The following FGF14 variants were observed in gnomAD, a reference collection of about 807,000 sequenced individuals.
FGF14 encodes fibroblast growth factor homologous factor 4.
Under a neutral mutation model 25.5 loss-of-function variants are expected in FGF14, and 5 were observed. That is an observed-to-expected ratio of 0.20 (90% CI 0.10 to 0.41). The LOEUF is 0.41. FGF14 is among the 10% of genes least tolerant of loss of function. The probability of loss-of-function intolerance (pLI) is 1.00; values close to 1 mark genes in which losing one functional copy is unlikely to be tolerated. For synonymous variants in FGF14, 138 were observed against 118.3 expected, an observed-to-expected ratio of 1.17 and a Z score of -1.08; for missense variants, 222 against 320.1, an observed-to-expected ratio of 0.69 and a Z score of 2.34.
At chr13:102,094,405 C>G (rs2044300694) in intron 1 of FGF14, among the ~76,000 whole-genome samples, 1 of 152,148 alleles carries the variant, frequency 6.6e-6, no homozygotes, top group South Asian at 2.1e-4. Context: ...AAACAAGAAG[C>G]AGCAGATGAT....
chr13:102,262,330 T>C (rs139382179), intron 1 of FGF14, among the ~76,000 whole-genome samples: 1 of 152,164 alleles, frequency 6.6e-6, no homozygotes, highest in Non-Finnish European at 1.5e-5. Flanking sequence ...TCAGAATCAT[T>C]ATTTCCTACC....
At chr13:102,050,337 G>T (rs887393945) in intron 1 of FGF14, among the ~76,000 whole-genome samples, 1 of 152,038 alleles carries the variant, frequency 6.6e-6, no homozygotes, top group Admixed American at 6.6e-5. Flanking sequence ...TATAAGCAAA[G>T]AAACAAAACT....
chr13:102,068,459 C>G (rs1293895569), intron 1 of FGF14, among the ~76,000 whole-genome samples: 2 of 152,234 alleles, frequency 1.3e-5, no homozygotes, highest in Non-Finnish European at 2.9e-5. Context: ...CCTCAGCTTG[C>G]AGGTAGGTGT....
chr13:102,346,982 G>A (rs1019761579), intron 1 of FGF14, among the ~76,000 whole-genome samples: 2 of 152,108 alleles, frequency 1.3e-5, no homozygotes, highest in African/African-American at 2.4e-5. Flanking sequence ...CCAGAACACC[G>A]TGTTCAATAG....
intron 1 of FGF14, among the ~76,000 whole-genome samples, chr13:102,072,586 TAA>T (rs2140156971): frequency 6.6e-6 from 1 of 152,286 alleles, no homozygotes; most frequent in East Asian, 1.9e-4. Context: ...TAATACAGGA[TAA>T]GGGAGTGTTA....
chr13:102,302,534 C>T (rs2055123604), intron 1 of FGF14, among the ~76,000 whole-genome samples: 1 of 152,092 alleles, frequency 6.6e-6, no homozygotes, highest in South Asian at 2.1e-4. Flanking sequence ...TCACCCTGTG[C>T]CCCAAATTCC....
At chr13:102,086,321 C>A (rs2124992) in intron 1 of FGF14, among the ~76,000 whole-genome samples, 57,759 of 151,904 alleles carry the variant, frequency 0.38, 13,046 homozygotes, top group Non-Finnish European at 0.51. Context: ...GAGATAGAGA[C>A]CATCCTGGCT....
intron 1 of FGF14, among the ~76,000 whole-genome samples, chr13:102,343,449 G>A (rs922615967): frequency 6.6e-6 from 1 of 152,196 alleles, no homozygotes; most frequent in Non-Finnish European, 1.5e-5. Context: ...TTCTAGGGCA[G>A]TTGTTGCAAG....
In FGF14 at chr13:102,128,359, G is replaced by A. The variant is rs116824231; in HGVS notation, c.209-253063C>T. On this transcript the variant is annotated intron_variant, in intron 1 of 4. Coordinates refer to the FGF14 transcript ENST00000376131. ...GGAACTCCAGCCCCAGTAAGAAGGT[G>A]GACAAATATGCCTGTGGCTGACAAG... 9.2e-3 allele frequency among the ~76,000 whole-genome samples: 1,405 copies of A among 152,050 alleles called. 20 individuals carry two copies. The highest frequency in any genetic ancestry group is 0.032 in the African/African-American group (1,325 of 41,496).
At chr13:102,289,225 A>G (rs1335371868) in intron 1 of FGF14, among the ~76,000 whole-genome samples, 1 of 152,116 alleles carries the variant, frequency 6.6e-6, no homozygotes, top group Non-Finnish European at 1.5e-5. Context: ...TAATTCCACC[A>G]TGGGTCTGCT....
chr13:102,041,572 G>T (rs2041740678), intron 1 of FGF14, among the ~76,000 whole-genome samples: 1 of 121,086 alleles, frequency 8.3e-6, no homozygotes, highest in African/African-American at 3.9e-5. Context: ...AAATTACTTT[G>T]TGTTTCCATG....
At chr13:102,075,041 T>G (rs1314154440) in intron 1 of FGF14, among the ~76,000 whole-genome samples, 1 of 152,176 alleles carries the variant, frequency 6.6e-6, no homozygotes, top group Non-Finnish European at 1.5e-5. Flanking sequence ...CTCTTCTCAG[T>G]TCTATTCAAC....
intron 1 of FGF14, among the ~76,000 whole-genome samples, chr13:102,070,499 A>G (rs2043111674): frequency 6.6e-6 from 1 of 152,178 alleles, no homozygotes; most frequent in African/African-American, 2.4e-5. Flanking sequence ...AAAAATAGAA[A>G]TCCCATATGA....
At chr13:101,954,131 T>G (rs1172841892) in intron 1 of FGF14, among the ~76,000 whole-genome samples, 1 of 152,184 alleles carries the variant, frequency 6.6e-6, no homozygotes, top group African/African-American at 2.4e-5. Flanking sequence ...TACTGCTCCA[T>G]GGTCAGTGTT....
At chr13:101,820,371 A>G (rs2042052280) in intron 3 of FGF14, among the ~76,000 whole-genome samples, 1 of 152,202 alleles carries the variant, frequency 6.6e-6, no homozygotes, top group African/African-American at 2.4e-5. Flanking sequence ...TGGAAAACAG[A>G]TTAAAATAAA....
At chr13:101,918,787 T>TA (rs771232257), upstream of FGF14, among the ~76,000 whole-genome samples, 7 of 152,040 alleles carry the variant, frequency 4.6e-5, no homozygotes, top group South Asian at 2.1e-4. Flanking sequence ...GATTTAGATC[T>TA]AAGGCAGGGA....
At chr13:102,017,132 C>T in intron 1 of FGF14, 1 of 217,310 alleles carries the variant, frequency 4.6e-6, no homozygotes. Flanking sequence ...ATATTCCTTG[C>T]TCCTCATCCC....
rs747506157 is a variant in FGF14 at position 101,721,218 on chromosome 13, C to CCAAA, written c.*1609_*1612dup. On this transcript the variant is annotated 3_prime_UTR_variant, in exon 5 of 5. Coordinates refer to ENST00000376143, the MANE Select transcript of FGF14 (RefSeq NM_004115.4). ...GTACACAGAGTTAACAAATAAATTCCCAAACAGTTTAGTATGAAACATTTT... is the reference window on the plus strand; with the variant it reads ...GTACACAGAGTTAACAAATAAATTCCCAAACAAACAGTTTAGTATGAAACATTTT... 50 of 151,942 alleles carry CCAAA rather than the reference C, an allele frequency of 3.3e-4. No individual in the cohort carries two copies. The highest frequency in any genetic ancestry group is 1.0e-3 in the African/African-American group (43 of 41,382). 9.4% of individuals were successfully genotyped at this position (151,942 alleles called of 1,614,324 possible).
chr13:102,318,399 T>A (rs1419694535), intron 1 of FGF14, among the ~76,000 whole-genome samples: 2 of 152,160 alleles, frequency 1.3e-5, no homozygotes, highest in African/African-American at 4.8e-5. Context: ...ATCAGCTGCG[T>A]GGCCTAAACA....
Sources: gnomAD v4.1 joint callset for allele counts (sites outside exome capture counted in the v4.1 genomes callset) on GRCh38, gnomAD v4.1.1 for gene constraint, MANE v1.5 for transcripts, NCBI Gene and HGNC (gene_info 2026-07-23, HGNC 2026-07-21) for gene names.